The following ATP1B3 variants were observed in gnomAD, a reference collection of about 807,000 sequenced individuals.
ATP1B3 encodes sodium/potassium-transporting ATPase subunit beta-3.
A neutral mutation model predicts 30.2 loss-of-function variants in ATP1B3; 10 were observed. That is an observed-to-expected ratio of 0.33 (90% CI 0.20 to 0.56). The LOEUF is 0.56. Ranked by LOEUF, ATP1B3 falls within the 20% of genes least tolerant of loss-of-function variation. The pLI is 0.90. For missense variants in ATP1B3, 238 were observed against 336.7 expected, an observed-to-expected ratio of 0.71 and a Z score of 2.29; for synonymous variants, 113 against 117.0, an observed-to-expected ratio of 0.97 and a Z score of 0.22.
rs1419522283 is a variant in ATP1B3, at chr3:141,913,854, C to T, written c.531+18C>T. 3.8e-6 allele frequency: 6 copies of T among 1,577,600 alleles called. No individual in the cohort carries two copies. The highest frequency in any genetic ancestry group is 5.2e-6 in the Non-Finnish European group (6 of 1,164,138). On this transcript the variant is annotated intron_variant, in intron 4 of 6. Transcript: ENST00000286371. ...TGAACAGAGTACGTACATATTTTAC[C>T]TCTGCTGCTGCTTTTTTCTAATATT...
At chr3:141,924,492 T>TA (rs1307462588) in intron 6 of ATP1B3, among the ~76,000 whole-genome samples, 1 of 151,232 alleles carries the variant, frequency 6.6e-6, no homozygotes, top group East Asian at 1.9e-4. Flanking sequence ...CTACTAAAAA[T>TA]AAAAAAATTA....
intron 1 of ATP1B3, among the ~76,000 whole-genome samples, chr3:141,901,406 G>A (rs1934161518): frequency 6.6e-6 from 1 of 152,048 alleles, no homozygotes; most frequent in African/African-American, 2.4e-5. Flanking sequence ...GGGAAGAGGT[G>A]GTTGATAAAG....
intron 1 of ATP1B3, among the ~76,000 whole-genome samples, chr3:141,897,109 G>A (rs1177095890): frequency 1.3e-5 from 2 of 152,092 alleles, no homozygotes; most frequent in Non-Finnish European, 2.9e-5. Context: ...CTAGTTGCTT[G>A]GCACCAGGGG....
intron 5 of ATP1B3, among the ~76,000 whole-genome samples, chr3:141,916,981 C>T (rs1934476004): frequency 6.6e-6 from 1 of 151,800 alleles, no homozygotes; most frequent in South Asian, 2.1e-4. Context: ...CTGCCTCAGC[C>T]TCCTGAGTAG....
At chr3:141,901,956 A>G (rs989492442) in intron 1 of ATP1B3, among the ~76,000 whole-genome samples, 6 of 152,164 alleles carry the variant, frequency 3.9e-5, no homozygotes, top group Admixed American at 3.9e-4. Context: ...CATTACATTT[A>G]AGTTTCTGTC....
At chr3:141,881,893 A>G (rs1313029377) in intron 1 of ATP1B3, among the ~76,000 whole-genome samples, 2 of 152,202 alleles carry the variant, frequency 1.3e-5, no homozygotes, top group African/African-American at 4.8e-5. Context: ...GCCATTATCT[A>G]GCAGGAGAAA....
chr3:141,919,032 AC>A (rs1382190744), intron 5 of ATP1B3: 5 of 152,184 alleles, frequency 3.3e-5, no homozygotes, highest in Non-Finnish European at 5.9e-5. Context: ...CAAGTAGTAA[AC>A]CAGTTAGAAC....
At chr3:141,889,756 T>TATATATACAC (rs1201511323) in intron 1 of ATP1B3, among the ~76,000 whole-genome samples, 8 of 84,042 alleles carry the variant, frequency 9.5e-5, no homozygotes, top group Non-Finnish European at 1.3e-4. Flanking sequence ...AAAAAATATA[T>TATATATACAC]ACACACACAC....
chr3:141,903,707 A>G lies in ATP1B3; in HGVS notation c.197A>G (p.Asn66Ser). 6.2e-7 allele frequency: 1 copy of G among 1,614,096 alleles called. No homozygotes were observed. The change falls in exon 2 of 7, where the codon AAC becomes AGC. Residue 66 changes from asparagine to serine, a missense_variant. Transcript: ENST00000286371. ...FTMWVMLQTL[N>S]DEVPKYRDQI... Reference sequence around the variant, plus strand: ...ATGTGGGTTATGCTTCAGACTCTCAACGATGAGGTTCCAAAATACCGTGAC... The same window carrying G: ...ATGTGGGTTATGCTTCAGACTCTCAGCGATGAGGTTCCAAAATACCGTGAC...
chr3:141,885,394 T>G (rs1933808170), intron 1 of ATP1B3, among the ~76,000 whole-genome samples: 1 of 152,194 alleles, frequency 6.6e-6, no homozygotes, highest in Non-Finnish European at 1.5e-5. Flanking sequence ...ACCAACCTTG[T>G]CCTCATTTTA....
rs1347360439 is a variant in ATP1B3 at position 141,897,002 on chromosome 3, GCTCCTGTAA to G, written c.110-6616_110-6608del. Among the ~76,000 whole-genome samples, 5 of 152,286 alleles carry G rather than the reference GCTCCTGTAA, an allele frequency of 3.3e-5. No individual in the cohort carries two copies. In the East Asian group the frequency reaches 7.7e-4, roughly 24 times the overall value. ...AGCAGCCTGGGTGTGGAGGCTGTCTGCTCCTGTAACCTTTCACCAACCCATTCAGAACAT... is the reference window on the plus strand; with the variant it reads ...AGCAGCCTGGGTGTGGAGGCTGTCTGCCTTTCACCAACCCATTCAGAACAT... On this transcript the variant is annotated intron_variant, in intron 1 of 6. Transcript: ENST00000286371.
chr3:141,912,956 G>T (rs1934392036), intron 3 of ATP1B3, among the ~76,000 whole-genome samples: 1 of 152,048 alleles, frequency 6.6e-6, no homozygotes, highest in Admixed American at 6.6e-5. Flanking sequence ...TTCCCTTCTG[G>T]ACTGACTCCA....
intron 1 of ATP1B3, among the ~76,000 whole-genome samples, chr3:141,893,356 T>C (rs1480075134): frequency 6.6e-6 from 1 of 152,158 alleles, no homozygotes; most frequent in African/African-American, 2.4e-5. Flanking sequence ...TTTCTAGGTA[T>C]AGGATGTTTT....
chr3:141,884,297 G>A (rs1467597803), intron 1 of ATP1B3, among the ~76,000 whole-genome samples: 1 of 152,122 alleles, frequency 6.6e-6, no homozygotes, highest in African/African-American at 2.4e-5. Flanking sequence ...CTTCCTGCAA[G>A]GCATGGGGTA....
At chr3:141,897,587 A>G (rs1934091195) in intron 1 of ATP1B3, among the ~76,000 whole-genome samples, 1 of 152,182 alleles carries the variant, frequency 6.6e-6, no homozygotes, top group South Asian at 2.1e-4. Context: ...CAGGTTATTT[A>G]ATCTTGTTTA....
intron 1 of ATP1B3, among the ~76,000 whole-genome samples, chr3:141,881,619 G>A (rs1282362020): frequency 6.6e-6 from 1 of 152,144 alleles, no homozygotes; most frequent in Non-Finnish European, 1.5e-5. Flanking sequence ...TGTGGAGTGT[G>A]CCATTAACCC....
chr3:141,926,016 ATGC>A lies in ATP1B3; in HGVS notation c.*316_*318del, dbSNP rs572681656. ...AATTGCCAAGTGTCTAAAGCTTAAT[ATGC>A]CGTGCTATGTAAATATTTTATGGAT... On this transcript the variant is annotated 3_prime_UTR_variant, in exon 7 of 7. Transcript: ENST00000286371. 101 of 245,466 alleles carry A rather than the reference ATGC, an allele frequency of 4.1e-4. No homozygotes were observed. Among genetic ancestry groups the A allele is most frequent in the Non-Finnish European group, 7.3e-4 (93 of 127,712 alleles). 15.2% of individuals were successfully genotyped at this position (245,466 alleles called of 1,614,324 possible).
chr3:141,894,684 C>A (rs964512374), intron 1 of ATP1B3, among the ~76,000 whole-genome samples: 2 of 152,146 alleles, frequency 1.3e-5, no homozygotes, highest in Non-Finnish European at 2.9e-5. Flanking sequence ...TCTCTTGCCC[C>A]ACTGGAAGGT....
At chr3:141,894,109 G>A (rs1934012827) in intron 1 of ATP1B3, among the ~76,000 whole-genome samples, 1 of 152,156 alleles carries the variant, frequency 6.6e-6, no homozygotes, top group Non-Finnish European at 1.5e-5. Context: ...AAAATACCAT[G>A]TAAACATAAA....
Sources: gnomAD v4.1 joint callset for allele counts (sites outside exome capture counted in the v4.1 genomes callset) on GRCh38, gnomAD v4.1.1 for gene constraint, MANE v1.5 for transcripts, NCBI Gene and HGNC (gene_info 2026-07-23, HGNC 2026-07-21) for gene names.